DGKB: variants seen among roughly 807,000 people sequenced by gnomAD.
DGKB encodes the protein diacylglycerol kinase beta.
In DGKB, 67 loss-of-function variants were observed where a neutral mutation model predicts 114.3. That is an observed-to-expected ratio of 0.59 (90% confidence interval 0.48 to 0.72). The LOEUF is 0.72. DGKB is among the 30% of genes least tolerant of loss of function. The probability of loss-of-function intolerance (pLI) is 0.00; values close to 1 mark genes in which losing one functional copy is unlikely to be tolerated. For synonymous variants in DGKB, 398 were observed against 323.1 expected, an observed-to-expected ratio of 1.23 and a Z score of -2.49; for missense variants, 907 against 975.2, an observed-to-expected ratio of 0.93 and a Z score of 0.93.
At position 14,328,510 on chromosome 7, in the gene DGKB, T is replaced by C. The variant is rs570732612; in HGVS notation, c.2122+10005A>G. Reference sequence around the variant, plus strand: ...GAACAGCTGCTCAGGGAAATGGAATTGTTCAAAGATACATTTTCTTTCTGC... The same window carrying C: ...GAACAGCTGCTCAGGGAAATGGAATCGTTCAAAGATACATTTTCTTTCTGC... On this transcript the variant is annotated intron_variant, in intron 23 of 25. Coordinates refer to ENST00000402815, the MANE Select transcript of DGKB (RefSeq NM_001350709.2). Among the ~76,000 whole-genome samples, 54 of 152,136 alleles carry C rather than the reference T, an allele frequency of 3.5e-4. 1 individual carries two copies. Among genetic ancestry groups the C allele is most frequent in the African/African-American group, 1.3e-3 (54 of 41,566 alleles).
chr7:14,222,309 A>C (rs554221884), intron 23 of DGKB, among the ~76,000 whole-genome samples: 2 of 150,982 alleles, frequency 1.3e-5, no homozygotes, highest in African/African-American at 4.8e-5. Context: ...ATTTCTCTCT[A>C]AACACTGCAT....
chr7:14,754,727 C>A (rs1370390227), intron 3 of DGKB, among the ~76,000 whole-genome samples: 1 of 152,110 alleles, frequency 6.6e-6, no homozygotes, highest in Admixed American at 6.6e-5. Context: ...GCTGTAATAA[C>A]GTTCTTAACA....
At chr7:14,443,223 T>G (rs1190369830) in intron 21 of DGKB, among the ~76,000 whole-genome samples, 1 of 152,144 alleles carries the variant, frequency 6.6e-6, no homozygotes, top group African/African-American at 2.4e-5. Flanking sequence ...TTTGGAAGAA[T>G]AGAGTAACCT....
At chr7:14,959,256 GT>G (rs893113848) in intron 1 of DGKB, among the ~76,000 whole-genome samples, 21 of 151,228 alleles carry the variant, frequency 1.4e-4, no homozygotes, top group African/African-American at 3.6e-4. Flanking sequence ...GTACTTTATA[GT>G]TTTTTTTCAG....
chr7:14,393,019 C>G (rs1384178221), intron 21 of DGKB, among the ~76,000 whole-genome samples: 1 of 1,074 alleles, frequency 9.3e-4, no homozygotes, highest in Non-Finnish European at 9.6e-3. Context: ...GAGACGGAGT[C>G]TCGCTATCGC....
chr7:14,202,839 T>C (rs1407428847), intron 23 of DGKB, among the ~76,000 whole-genome samples: 5 of 151,960 alleles, frequency 3.3e-5, no homozygotes, highest in African/African-American at 1.2e-4. Context: ...TATTAAATGG[T>C]GATTTATTTT....
At chr7:14,324,454 A>AG (rs1808379652) in intron 23 of DGKB, among the ~76,000 whole-genome samples, 1 of 151,490 alleles carries the variant, frequency 6.6e-6, no homozygotes, top group East Asian at 1.9e-4. Context: ...CTCAAAAAAA[A>AG]AAAAAAAAGA....
At chr7:14,345,122 T>C (rs1013765453) in intron 22 of DGKB, among the ~76,000 whole-genome samples, 179 bp downstream of exon 22, 3 of 151,654 alleles carry the variant, frequency 2.0e-5, no homozygotes, top group African/African-American at 4.8e-5. Flanking sequence ...CACTTAACTT[T>C]AGTATGTCAG....
intron 2 of DGKB, among the ~76,000 whole-genome samples, chr7:14,837,308 G>A (rs1847292211): frequency 6.6e-6 from 1 of 152,066 alleles, no homozygotes; most frequent in Non-Finnish European, 1.5e-5. Context: ...TAGTTACAGG[G>A]TGCATTCTGG....
chr7:14,351,080 A>G (rs2128605960), intron 21 of DGKB, among the ~76,000 whole-genome samples: 1 of 152,310 alleles, frequency 6.6e-6, no homozygotes, highest in South Asian at 2.1e-4. Context: ...CGGAATTTGG[A>G]CTTGCTTAAC....
chr7:14,790,297 A>T (rs1244830913), intron 2 of DGKB, among the ~76,000 whole-genome samples: 3 of 152,110 alleles, frequency 2.0e-5, no homozygotes, highest in Admixed American at 2.0e-4. Context: ...TTTTATTTTG[A>T]TGAAGTCCAA....
chr7:14,466,161 C>A (rs1167147720), intron 21 of DGKB, among the ~76,000 whole-genome samples: 1 of 152,116 alleles, frequency 6.6e-6, no homozygotes, highest in Non-Finnish European at 1.5e-5. Flanking sequence ...ATGAGGTAAT[C>A]AAACTGGTCT....
chr7:14,688,147 TA>T (rs1426123848), intron 9 of DGKB, among the ~76,000 whole-genome samples: 1 of 152,034 alleles, frequency 6.6e-6, no homozygotes, highest in East Asian at 1.9e-4. Flanking sequence ...ATCGTAAACT[TA>T]ATGGGGGAGG....
At chr7:14,465,599 C>T (rs1390958964) in intron 21 of DGKB, among the ~76,000 whole-genome samples, 1 of 152,028 alleles carries the variant, frequency 6.6e-6, no homozygotes, top group Non-Finnish European at 1.5e-5. Context: ...CAACACAGCC[C>T]CCAGGTTGAT....
At chr7:14,608,847 G>A (rs913274558) in intron 16 of DGKB, among the ~76,000 whole-genome samples, 1 of 151,818 alleles carries the variant, frequency 6.6e-6, no homozygotes, top group African/African-American at 2.4e-5. Context: ...AAATACCTCG[G>A]AATACAACTA....
chr7:14,876,526 C>G (rs1853315446), intron 1 of DGKB, among the ~76,000 whole-genome samples: 1 of 152,234 alleles, frequency 6.6e-6, no homozygotes, highest in South Asian at 2.1e-4. Context: ...AACTTGGTTA[C>G]TGATCAAGCT....
chr7:14,662,227 A>C (rs1348129601), intron 13 of DGKB, among the ~76,000 whole-genome samples: 1 of 151,818 alleles, frequency 6.6e-6, no homozygotes, highest in South Asian at 2.1e-4. Context: ...ATAAAAATAA[A>C]AATAAAAAAA....
At chr7:14,506,883 A>T (rs1226646306) in intron 20 of DGKB, among the ~76,000 whole-genome samples, 1 of 152,228 alleles carries the variant, frequency 6.6e-6, no homozygotes, top group Admixed American at 6.5e-5. Flanking sequence ...TTGTAAGTAG[A>T]AGTCATATAT....
chr7:14,956,158 A>T (rs1261013494), intron 1 of DGKB, among the ~76,000 whole-genome samples: 2 of 151,952 alleles, frequency 1.3e-5, no homozygotes, highest in East Asian at 1.9e-4. Flanking sequence ...AGATGTAAAA[A>T]TTTTTCAAAT....
Sources: gnomAD v4.1 joint callset for allele counts (sites outside exome capture counted in the v4.1 genomes callset) on GRCh38, gnomAD v4.1.1 for gene constraint, MANE v1.5 for transcripts, NCBI Gene and HGNC (gene_info 2026-07-23, HGNC 2026-07-21) for gene names.